Variants in CAST observed in about 807,000 individuals in gnomAD.
CAST encodes the protein MIR583 host.
Under a neutral mutation model 119.6 loss-of-function variants are expected in CAST, and 76 were observed. The observed-to-expected ratio is 0.64, with a 90% CI of 0.53 to 0.77. CAST has a LOEUF of 0.77. Ranked by LOEUF, CAST falls within the 30% of genes least tolerant of loss-of-function variation. The pLI is 0.00. For missense variants in CAST, 953 were observed against 946.5 expected, an observed-to-expected ratio of 1.01 and a Z score of -0.09; for synonymous variants, 319 against 331.6, an observed-to-expected ratio of 0.96 and a Z score of 0.41.
At chr5:96,412,750 A>ATTTTTTTTTTTTTTTT in the CAST span, among the ~76,000 whole-genome samples, 6 of 63,382 alleles carry the variant, frequency 9.5e-5, 1 homozygote, top group African/African-American at 4.8e-4. Context: ...GGCAGCTGTG[A>ATTTTTTTTTTTTTTTT]TGTTTTTTTT....
At chr5:96,087,950 C>T in the CAST span, among the ~76,000 whole-genome samples, 2 of 152,202 alleles carry the variant, frequency 1.3e-5, no homozygotes, top group African/African-American at 2.4e-5. Context: ...GAAACCTACA[C>T]TTAAGCATCA....
At chr5:96,113,256 A>C in the CAST span, among the ~76,000 whole-genome samples, 1 of 152,204 alleles carries the variant, frequency 6.6e-6, no homozygotes, top group Non-Finnish European at 1.5e-5. Flanking sequence ...CACCAAATCA[A>C]ATAAATTGTC....
the CAST span, among the ~76,000 whole-genome samples, chr5:95,998,175 T>C: frequency 6.6e-6 from 1 of 152,066 alleles, no homozygotes; most frequent in Non-Finnish European, 1.5e-5. Flanking sequence ...AATTCACCTA[T>C]TTAAAGTGTA....
chr5:96,385,105 G>T, the CAST span, among the ~76,000 whole-genome samples: 33 of 152,206 alleles, frequency 2.2e-4, no homozygotes, highest in Non-Finnish European at 4.4e-5. Flanking sequence ...CAATGTGCTG[G>T]TTATTAACAT....
the CAST span, among the ~76,000 whole-genome samples, chr5:96,503,775 C>A: frequency 6.6e-6 from 1 of 152,194 alleles, no homozygotes; most frequent in Non-Finnish European, 1.5e-5. Context: ...TCCCCTCCAC[C>A]ATGCTTTTAT....
the CAST span, among the ~76,000 whole-genome samples, chr5:96,268,423 T>A: frequency 6.6e-6 from 1 of 151,932 alleles, no homozygotes; most frequent in Admixed American, 6.6e-5. Flanking sequence ...AAAAAAAATT[T>A]TATAATTAGC....
chr5:96,445,649 A>G, the CAST span, among the ~76,000 whole-genome samples: 2 of 152,094 alleles, frequency 1.3e-5, no homozygotes, highest in South Asian at 2.1e-4. Flanking sequence ...CTCACTCTGG[A>G]ATTCTTAAGT....
chr5:96,662,322 T>TTCCAA, upstream of CAST: 4 of 567,040 alleles, frequency 7.1e-6, no homozygotes, highest in Non-Finnish European at 5.0e-6. Context: ...GGCCCTCCGC[T>TTCCAA]CCCTCCCTCC....
the CAST span, among the ~76,000 whole-genome samples, chr5:96,143,519 C>T: frequency 1.3e-5 from 2 of 152,194 alleles, no homozygotes; most frequent in Admixed American, 6.5e-5. Context: ...TCATGTGGGC[C>T]GATTCCTAAA....
chr5:96,127,755 A>C, the CAST span, among the ~76,000 whole-genome samples: 1 of 152,156 alleles, frequency 6.6e-6, no homozygotes, highest in Non-Finnish European at 1.5e-5. Flanking sequence ...CAGTGTTAAC[A>C]CTGGCAATTG....
Position 96,538,374 on chromosome 5 carries a change from A to T in CAST, c.60+8494A>T, listed in dbSNP as rs540530218. Among the ~76,000 whole-genome samples, 16 of 152,324 alleles carry T rather than the reference A, an allele frequency of 1.1e-4. 2 individuals carry two copies. Among genetic ancestry groups the T allele is most frequent in the African/African-American group, 3.9e-4 (16 of 41,558 alleles). Reference sequence around the variant, plus strand: ...TATCATACCTATCTGAAAGTAAAAGAATTTTGCTTTTCTCATATTTATCTG... The same window carrying T: ...TATCATACCTATCTGAAAGTAAAAGTATTTTGCTTTTCTCATATTTATCTG... On this transcript the variant is annotated intron_variant, in intron 1 of 11. Coordinates refer to the CAST transcript ENST00000505143.
chr5:96,427,086 G>A, the CAST span, among the ~76,000 whole-genome samples: 1 of 152,092 alleles, frequency 6.6e-6, no homozygotes, highest in Non-Finnish European at 1.5e-5. Flanking sequence ...TGAGGTAGAG[G>A]GTCACTTACA....
chr5:96,705,382 A>G (rs1055829723), intron 3 of CAST, among the ~76,000 whole-genome samples: 3 of 152,138 alleles, frequency 2.0e-5, no homozygotes, highest in Non-Finnish European at 2.9e-5. Context: ...TTTGATGGAA[A>G]GCCATAAAAA....
the CAST span, among the ~76,000 whole-genome samples, chr5:96,359,198 T>A: frequency 6.6e-6 from 1 of 152,350 alleles, no homozygotes; most frequent in East Asian, 1.9e-4. Context: ...TAAATATTTC[T>A]CCATCCCTTT....
At position 96,577,989 on chromosome 5, in the gene CAST, G is replaced by A. The variant is rs1467782397; in HGVS notation, c.60+48109G>A. Among the ~76,000 whole-genome samples the A allele has an allele frequency of 2.6e-5, 4 of 152,086 alleles. 1 individual carries two copies. In the East Asian group the frequency reaches 7.7e-4, roughly 29 times the overall value. On this transcript the variant is annotated intron_variant, in intron 1 of 11. Transcript: ENST00000505143. Reference sequence around the variant, plus strand: ...TGTTCAGATCTTCTATATCCTTGCTGATTTTCTTTCTAGTCTTTCTGTCAG... The same window carrying A: ...TGTTCAGATCTTCTATATCCTTGCTAATTTTCTTTCTAGTCTTTCTGTCAG...
At chr5:96,717,012 A>C (rs530772493) in intron 3 of CAST, among the ~76,000 whole-genome samples, 10 of 152,238 alleles carry the variant, frequency 6.6e-5, no homozygotes, top group Non-Finnish European at 8.8e-5. Context: ...GCTTAAAAAA[A>C]ACTTAAAGTA....
chr5:96,469,082 A>G, the CAST span, among the ~76,000 whole-genome samples: 7 of 152,098 alleles, frequency 4.6e-5, no homozygotes, highest in Non-Finnish European at 8.8e-5. Context: ...GTCTTGCTCC[A>G]ATACTGAAAT....
the CAST span, among the ~76,000 whole-genome samples, chr5:96,424,008 G>T: frequency 2.0e-5 from 3 of 152,184 alleles, no homozygotes; most frequent in Non-Finnish European, 2.9e-5. Flanking sequence ...GATTTAGGGG[G>T]TAAGTGTCTG....
intron 1 of CAST, among the ~76,000 whole-genome samples, chr5:96,607,253 A>C (rs1747276765): frequency 6.6e-6 from 1 of 152,190 alleles, no homozygotes; most frequent in Admixed American, 6.5e-5. Flanking sequence ...GCACCACTGC[A>C]CTCCAGCCTG....
Sources: gnomAD v4.1 joint callset for allele counts (sites outside exome capture counted in the v4.1 genomes callset) on GRCh38, gnomAD v4.1.1 for gene constraint, MANE v1.5 for transcripts, NCBI Gene and HGNC (gene_info 2026-07-23, HGNC 2026-07-21) for gene names.